Variants in IL1RAPL1 observed in about 807,000 individuals in gnomAD.
IL1RAPL1 encodes interleukin 1 receptor accessory protein like 1.
IL1RAPL1 carries 3 observed loss-of-function variants against 48.4 expected under a neutral mutation model. That is an observed-to-expected ratio of 0.06 (90% CI 0.03 to 0.16). The LOEUF is 0.16. IL1RAPL1 is among the 10% of genes least tolerant of loss of function. IL1RAPL1 has a pLI of 1.00. For missense variants in IL1RAPL1, 349 were observed against 530.6 expected, an observed-to-expected ratio of 0.66 and a Z score of 3.36; for synonymous variants, 185 against 187.7, an observed-to-expected ratio of 0.99 and a Z score of 0.12.
chrX:29,484,004 TAA>T (rs144243686), intron 5 of IL1RAPL1, among the ~76,000 whole-genome samples: 1,648 of 91,900 alleles, frequency 0.018, 54 homozygotes, highest in African/African-American at 0.06. Flanking sequence ...AGTAGTCCAT[TAA>T]AAAAAAAAAA....
intron 5 of IL1RAPL1, among the ~76,000 whole-genome samples, chrX:29,490,656 T>G (rs1350093989): frequency 9.0e-6 from 1 of 111,656 alleles, no homozygotes; most frequent in African/African-American, 3.3e-5. Context: ...TTCTTCCTTA[T>G]TTTTGTTTCT....
At chrX:28,701,929 T>TA (rs1271039532) in intron 1 of IL1RAPL1, among the ~76,000 whole-genome samples, 8 of 111,930 alleles carry the variant, frequency 7.1e-5, no homozygotes, top group African/African-American at 2.6e-4. Context: ...CAAATACCTT[T>TA]AGGTTAATAA....
chrX:29,567,356 T>C (rs1403017793), intron 5 of IL1RAPL1, among the ~76,000 whole-genome samples: 1 of 111,773 alleles, frequency 8.9e-6, no homozygotes, highest in Non-Finnish European at 1.9e-5. Context: ...AATAAATAAA[T>C]TTTCTGATGT....
intron 2 of IL1RAPL1, among the ~76,000 whole-genome samples, chrX:28,968,385 T>C (rs770229122): frequency 9.0e-6 from 1 of 111,382 alleles, no homozygotes; most frequent in South Asian, 3.8e-4. Context: ...TTGTGAGTTA[T>C]TTCATACTCA....
At chrX:28,735,871 A>C (rs947397995) in intron 1 of IL1RAPL1, among the ~76,000 whole-genome samples, 5 of 111,797 alleles carry the variant, frequency 4.5e-5, no homozygotes, top group Non-Finnish European at 7.5e-5. Flanking sequence ...TGTCTTCAAA[A>C]GACATTTTTT....
At chrX:28,818,897 G>A (rs1936899434) in intron 2 of IL1RAPL1, among the ~76,000 whole-genome samples, 1 of 110,756 alleles carries the variant, frequency 9.0e-6, no homozygotes. Flanking sequence ...TACAGAACAG[G>A]TATTTGTGAA....
intron 1 of IL1RAPL1, among the ~76,000 whole-genome samples, chrX:28,609,395 C>T (rs1334666458): frequency 9.0e-6 from 1 of 111,211 alleles, no homozygotes; most frequent in African/African-American, 3.3e-5. Flanking sequence ...ATACCACTGA[C>T]AACTACTGTT....
At chrX:29,947,433 C>T (rs1363555700) in intron 9 of IL1RAPL1, among the ~76,000 whole-genome samples, 5 of 111,149 alleles carry the variant, frequency 4.5e-5, no homozygotes, top group South Asian at 3.8e-4. Context: ...ATCACTAACA[C>T]GAATCCTATT....
At chrX:29,488,088 A>G (rs1463451915) in intron 5 of IL1RAPL1, among the ~76,000 whole-genome samples, 1 of 112,219 alleles carries the variant, frequency 8.9e-6, no homozygotes, top group Non-Finnish European at 1.9e-5. Flanking sequence ...ACTACAGATC[A>G]CATAGCTCAC....
At chrX:29,089,912 A>G (rs1343713777) in intron 2 of IL1RAPL1, among the ~76,000 whole-genome samples, 1 of 104,105 alleles carries the variant, frequency 9.6e-6, no homozygotes, top group Non-Finnish European at 2.0e-5. Context: ...CAGCATGCTC[A>G]AAACAAATTG....
chrX:28,882,170 A>G (rs1922517712), intron 2 of IL1RAPL1, among the ~76,000 whole-genome samples: 1 of 110,888 alleles, frequency 9.0e-6, no homozygotes, highest in Non-Finnish European at 1.9e-5. Flanking sequence ...AAGTCATACT[A>G]TATCTTTAAA....
intron 3 of IL1RAPL1, among the ~76,000 whole-genome samples, chrX:29,295,339 G>T (rs746894218): frequency 3.1e-4 from 35 of 111,909 alleles, no homozygotes; most frequent in Middle Eastern, 4.2e-3. Flanking sequence ...TGTAAATAAA[G>T]TTCCCCCATC....
intron 2 of IL1RAPL1, among the ~76,000 whole-genome samples, chrX:29,205,850 T>A (rs146371251): frequency 0.38 from 41,456 of 108,474 alleles, 7,477 homozygotes; most frequent in Non-Finnish European, 0.55. Context: ...TTCTCCTGCC[T>A]CAGCCTCCTG....
chrX:28,897,258 C>T (rs1466102914), intron 2 of IL1RAPL1, among the ~76,000 whole-genome samples: 3 of 111,137 alleles, frequency 2.7e-5, no homozygotes, highest in Non-Finnish European at 5.7e-5. Context: ...GTACTTGCCG[C>T]TAAGGGTGAA....
chrX:29,684,653 TTTC>T (rs1244205807), intron 6 of IL1RAPL1, among the ~76,000 whole-genome samples: 1 of 111,783 alleles, frequency 8.9e-6, no homozygotes, highest in African/African-American at 3.3e-5. Context: ...AAGAGACACT[TTTC>T]TTCTTTCACT....
At chrX:28,653,007 C>A (rs189941660) in intron 1 of IL1RAPL1, among the ~76,000 whole-genome samples, 1 of 111,333 alleles carries the variant, frequency 9.0e-6, no homozygotes, top group South Asian at 3.8e-4. Flanking sequence ...AGAAGACACG[C>A]GCAGGTAGAG....
At chrX:28,776,124 A>C (rs1936360681) in intron 1 of IL1RAPL1, among the ~76,000 whole-genome samples, 1 of 111,664 alleles carries the variant, frequency 9.0e-6, no homozygotes, top group South Asian at 3.7e-4. Context: ...CAATGAGTTT[A>C]TGTCCCCATT....
chrX:29,233,228 C>A (rs1480792863), intron 2 of IL1RAPL1, among the ~76,000 whole-genome samples: 1 of 111,541 alleles, frequency 9.0e-6, no homozygotes, highest in Non-Finnish European at 1.9e-5. Context: ...TCTATTTATA[C>A]CTGACTCTGC....
chrX:28,829,877 T>C (rs1337356118), intron 2 of IL1RAPL1, among the ~76,000 whole-genome samples: 1 of 111,209 alleles, frequency 9.0e-6, no homozygotes, highest in Non-Finnish European at 1.9e-5. Flanking sequence ...TTCAGATTTT[T>C]TTTTTCATCT....
Sources: allele counts gnomAD v4.1 joint callset (sites outside exome capture counted in the v4.1 genomes callset), GRCh38; gene constraint gnomAD v4.1.1; transcripts MANE v1.5; gene names NCBI Gene and HGNC (gene_info 2026-07-23, HGNC 2026-07-21).